TCERG1L: variants seen among roughly 807,000 people sequenced by gnomAD.
The protein encoded by TCERG1L is transcription elongation regulator 1 like.
A neutral mutation model predicts 56.3 loss-of-function variants in TCERG1L; 37 were observed. The observed-to-expected ratio is 0.66, with a 90% CI of 0.51 to 0.87. The LOEUF (loss-of-function observed/expected upper bound fraction) is 0.87. Ranked by LOEUF, TCERG1L falls within the 40% of genes least tolerant of loss-of-function variation. The pLI is 0.00. For synonymous variants in TCERG1L, 324 were observed against 326.3 expected (o/e 0.99, Z 0.08); for missense variants, 799 against 774.2 (o/e 1.03, Z -0.38).
intron 4 of TCERG1L, among the ~76,000 whole-genome samples, chr10:131,167,146 C>T (rs755782716): frequency 6.6e-6 from 1 of 152,176 alleles, no homozygotes; most frequent in Non-Finnish European, 1.5e-5. Context: ...CTCCCCAGCC[C>T]GACCTCCCGG....
intron 3 of TCERG1L, among the ~76,000 whole-genome samples, chr10:131,295,816 G>C (rs1009661382): frequency 6.6e-6 from 1 of 152,134 alleles, no homozygotes; most frequent in African/African-American, 2.4e-5. Context: ...CAGTGGTAAC[G>C]ACCTCTAGAA....
At position 131,166,796 on chromosome 10, in the gene TCERG1L, C is replaced by T. The variant is rs1731726362; in HGVS notation, c.945+1G>A. 6.2e-7 allele frequency: 1 copy of T among 1,613,978 alleles called. No individual in the cohort carries two copies. Among genetic ancestry groups the T allele is most frequent in the Non-Finnish European group, 8.5e-7 (1 of 1,179,896 alleles). On this transcript the variant is annotated splice_donor_variant, in intron 5 of 11. Transcript: ENST00000368642. LOFTEE classifies it high-confidence loss of function. ...ACACACACACGAGCCCCGAAACTGA[C>T]CTTGTCTTCTTTGTCTCCATCCCGG... is the stretch of plus-strand genomic sequence containing the variant.
chr10:131,237,261 G>C (rs1820785941), intron 4 of TCERG1L, among the ~76,000 whole-genome samples: 1 of 152,092 alleles, frequency 6.6e-6, no homozygotes, highest in Non-Finnish European at 1.5e-5. Flanking sequence ...TGGAGACCCT[G>C]AGTGCCAGCT....
chr10:131,281,911 C>T (rs538862237), intron 3 of TCERG1L, among the ~76,000 whole-genome samples: 9 of 151,866 alleles, frequency 5.9e-5, no homozygotes, highest in South Asian at 2.1e-4. Context: ...CCGAGGCTGG[C>T]GGATCACGAG....
chr10:131,238,768 C>T (rs781199829), intron 4 of TCERG1L, among the ~76,000 whole-genome samples: 7 of 152,314 alleles, frequency 4.6e-5, no homozygotes, highest in East Asian at 3.9e-4. Context: ...TTGCCCATCA[C>T]GCGGGCAGAG....
chr10:131,206,859 C>T (rs907179772), intron 4 of TCERG1L, among the ~76,000 whole-genome samples: 3 of 152,268 alleles, frequency 2.0e-5, no homozygotes, highest in Admixed American at 2.0e-4. Context: ...CCAGATGCTC[C>T]TCTGGCCAAG....
Position 131,267,193 on chromosome 10 carries a change from G to GC in TCERG1L, c.671-6750dup, listed in dbSNP as rs765155457. ...CCAGCCCCGTCTCAGCCTCCCACCT[G>GC]CGCTCATTGGTGCCCAAAGTCCAGA... On this transcript the variant is annotated intron_variant, in intron 3 of 11. Transcript: ENST00000368642. This position sits in a 1 kb window ranked among gnomAD's most constrained non-coding sequence, Gnocchi z 4.9. Among the ~76,000 whole-genome samples, 2 of 152,158 alleles carry GC rather than the reference G, an allele frequency of 1.3e-5. No homozygotes were observed. Among genetic ancestry groups the GC allele is most frequent in the African/African-American group, 2.4e-5 (1 of 41,432 alleles).
At chr10:131,128,294 C>T (rs1004944435) in intron 8 of TCERG1L, among the ~76,000 whole-genome samples, 3 of 152,134 alleles carry the variant, frequency 2.0e-5, no homozygotes, top group East Asian at 3.9e-4. Context: ...GCAAAGGAGG[C>T]GACCCAGGAG....
At chr10:131,130,651 C>G (rs143846316) in intron 8 of TCERG1L, among the ~76,000 whole-genome samples, 1 of 152,204 alleles carries the variant, frequency 6.6e-6, no homozygotes, top group Non-Finnish European at 1.5e-5. Context: ...TAATACAGAA[C>G]AAATACGTTC....
At position 131,303,861 on chromosome 10, in the gene TCERG1L, A is replaced by G. The variant is rs1440449685; in HGVS notation, c.670+4350T>C. Among the ~76,000 whole-genome samples the G allele has an allele frequency of 2.0e-5, 3 of 152,054 alleles. No individual in the cohort carries two copies. The East Asian group carries it at 5.8e-4, about 29-fold the overall frequency. ...CGAGTTTATCTTTTACTGCTTTTCT[A>G]TGTTCTATTTTCTTTTATCTATTAA... On this transcript the variant is annotated intron_variant, in intron 3 of 11. Coordinates refer to ENST00000368642, the MANE Select transcript of TCERG1L (RefSeq NM_174937.4).
chr10:131,139,852 GTGTC>G (rs1845716590), intron 7 of TCERG1L, among the ~76,000 whole-genome samples: 1 of 151,790 alleles, frequency 6.6e-6, no homozygotes, highest in South Asian at 2.1e-4. Context: ...CTCTGTGTAT[GTGTC>G]TGTGCGTGTA....
At chr10:131,176,018 C>T (rs1846143881) in intron 4 of TCERG1L, among the ~76,000 whole-genome samples, 1 of 152,228 alleles carries the variant, frequency 6.6e-6, no homozygotes, top group South Asian at 2.1e-4. Flanking sequence ...CCTTTCAAGG[C>T]AGTGCGAAAA....
At chr10:131,242,056 G>A (rs983730643) in intron 4 of TCERG1L, among the ~76,000 whole-genome samples, 1 of 152,286 alleles carries the variant, frequency 6.6e-6, no homozygotes, top group East Asian at 1.9e-4. Context: ...AAGTTTGAAG[G>A]GCAAGAACAG....
chr10:131,309,940 G>T (rs1297421536), intron 1 of TCERG1L, among the ~76,000 whole-genome samples: 1 of 150,680 alleles, frequency 6.6e-6, no homozygotes, highest in Non-Finnish European at 1.5e-5. Flanking sequence ...TCAGGGCACC[G>T]TCTCTCTAAT....
chr10:131,302,131 A>C (rs1376087009), intron 3 of TCERG1L, among the ~76,000 whole-genome samples: 1 of 152,030 alleles, frequency 6.6e-6, no homozygotes, highest in Non-Finnish European at 1.5e-5. Flanking sequence ...AAATTGCTTC[A>C]ATCACAAGAT....
intron 7 of TCERG1L, among the ~76,000 whole-genome samples, chr10:131,138,814 C>T (rs1318280394): frequency 1.3e-5 from 2 of 152,150 alleles, no homozygotes; most frequent in African/African-American, 4.8e-5. Flanking sequence ...TGTACATTTA[C>T]ACATGGTTAA....
chr10:131,190,086 G>A (rs976833991), intron 4 of TCERG1L, among the ~76,000 whole-genome samples: 16 of 152,124 alleles, frequency 1.1e-4, no homozygotes, highest in Middle Eastern at 3.4e-3. Flanking sequence ...CAATGAAGCC[G>A]GAGACATTAC....
At chr10:131,115,698 G>A (rs1159641895) in intron 9 of TCERG1L, among the ~76,000 whole-genome samples, 2 of 152,214 alleles carry the variant, frequency 1.3e-5, no homozygotes, top group Non-Finnish European at 2.9e-5. Flanking sequence ...AAATTCAAGG[G>A]GCTTTGGAGG....
At chr10:131,192,180 A>G (rs1845312194) in intron 4 of TCERG1L, among the ~76,000 whole-genome samples, 1 of 143,690 alleles carries the variant, frequency 7.0e-6, no homozygotes, top group Admixed American at 6.9e-5. Flanking sequence ...ACCACCAAGG[A>G]AAAAACAAAA....
Sources: allele counts gnomAD v4.1 joint callset (sites outside exome capture counted in the v4.1 genomes callset), GRCh38; gene constraint gnomAD v4.1.1; non-coding constraint Gnocchi (gnomAD v3.1); transcripts MANE v1.5; gene names NCBI Gene and HGNC (gene_info 2026-07-23, HGNC 2026-07-21).